Variants in GRM3 observed in about 807,000 individuals in gnomAD.
GRM3 encodes the protein metabotropic glutamate receptor 3.
Under a neutral mutation model 70.5 loss-of-function variants are expected in GRM3, and 26 were observed. The ratio of observed to expected loss-of-function variants is 0.37; its 90% CI spans 0.27 to 0.51. GRM3 has a LOEUF of 0.51. Ranked by LOEUF, GRM3 falls within the 20% of genes least tolerant of loss-of-function variation. GRM3 has a pLI of 0.93. For synonymous variants in GRM3, 443 were observed against 434.9 expected, an observed-to-expected ratio of 1.02 and a Z score of -0.23; for missense variants, 859 against 1,123.8, an observed-to-expected ratio of 0.76 and a Z score of 3.37.
chr7:86,743,636 G>C (rs989762852), intron 1 of GRM3, among the ~76,000 whole-genome samples: 1 of 152,090 alleles, frequency 6.6e-6, no homozygotes, highest in African/African-American at 2.4e-5. Flanking sequence ...TTAGATTCTA[G>C]AGTGTCCTGT....
intron 2 of GRM3, among the ~76,000 whole-genome samples, chr7:86,766,301 T>C (rs1796599447): frequency 6.6e-6 from 1 of 152,046 alleles, no homozygotes; most frequent in Non-Finnish European, 1.5e-5. Context: ...CATTTTTTTG[T>C]TCAGAGATAA....
At chr7:86,667,455 A>G (rs1794055855) in intron 1 of GRM3, among the ~76,000 whole-genome samples, 1 of 152,138 alleles carries the variant, frequency 6.6e-6, no homozygotes, top group Non-Finnish European at 1.5e-5. Flanking sequence ...AAGTAGAGGT[A>G]GGCTATTACA....
At chr7:86,787,804 T>C (rs550896284) in intron 3 of GRM3, among the ~76,000 whole-genome samples, 11 of 152,344 alleles carry the variant, frequency 7.2e-5, no homozygotes, top group Non-Finnish European at 1.5e-4. Flanking sequence ...GTAGTGAACA[T>C]CATACAAAGG....
intron 1 of GRM3, among the ~76,000 whole-genome samples, chr7:86,681,456 A>C (rs1031848276): frequency 6.6e-6 from 1 of 152,190 alleles, no homozygotes; most frequent in African/African-American, 2.4e-5. Context: ...AATAGAAAGA[A>C]TAAGACATTA....
intron 1 of GRM3, among the ~76,000 whole-genome samples, chr7:86,658,414 G>C (rs1793803334): frequency 1.3e-5 from 2 of 152,068 alleles, no homozygotes; most frequent in Admixed American, 6.6e-5. Flanking sequence ...CTTCCCACAG[G>C]CTGTGAAACT....
intron 3 of GRM3, among the ~76,000 whole-genome samples, chr7:86,835,960 G>T (rs1029294487): frequency 6.6e-6 from 1 of 151,940 alleles, no homozygotes; most frequent in Non-Finnish European, 1.5e-5. Context: ...GAAAACAAGC[G>T]AAAAATGTGT....
intron 1 of GRM3, among the ~76,000 whole-genome samples, chr7:86,660,375 A>G (rs919647803): frequency 6.6e-6 from 1 of 152,042 alleles, no homozygotes; most frequent in Admixed American, 6.6e-5. Context: ...TGTAAACTCA[A>G]TATCTAGAGA....
chr7:86,786,311 C>A lies in GRM3; in HGVS notation c.519C>A (p.Ser173=). 6.2e-7 allele frequency: 1 copy of A among 1,614,106 alleles called. No homozygotes were observed. The highest frequency in any genetic ancestry group is 8.5e-7 in the Non-Finnish European group (1 of 1,179,960). The stretch of plus-strand genomic sequence containing the variant: ...AGATCCCTCAGATCAGCTACGCATC[C>A]ACCAGCGCCAAACTCAGTGATAAGT... The part of the protein sequence containing the change: ...LFQIPQISYA[S]TSAKLSDKSR... Residue 173 remains serine (S), a synonymous_variant, in exon 3 of 6, where the codon TCC becomes TCA. Coordinates refer to ENST00000361669, the MANE Select transcript of GRM3 (RefSeq NM_000840.3). The surrounding 1 kb of genome is among the most constrained non-coding windows in gnomAD (Gnocchi z 6.0).
chr7:86,827,022 G>A (rs188623906), intron 3 of GRM3, among the ~76,000 whole-genome samples: 1 of 152,290 alleles, frequency 6.6e-6, no homozygotes, highest in Admixed American at 6.5e-5. Context: ...CTTAATGAGA[G>A]TACAAAGTTG....
At chr7:86,810,021 T>G (rs896742350) in intron 3 of GRM3, among the ~76,000 whole-genome samples, 1 of 152,062 alleles carries the variant, frequency 6.6e-6, no homozygotes, top group African/African-American at 2.4e-5. Flanking sequence ...GGATAAATTA[T>G]TTTAAAATCG....
Position 86,786,081 on chromosome 7 carries a change from T to G in GRM3, c.469-180T>G. ...CCTGTGTGAGACCTGCTTCCTAGTGTCCAAAATACAGTATCCAAGGAAGCA... is the reference window on the plus strand; with the variant it reads ...CCTGTGTGAGACCTGCTTCCTAGTGGCCAAAATACAGTATCCAAGGAAGCA... On this transcript the variant is annotated intron_variant, in intron 2 of 5. Coordinates refer to ENST00000361669, the MANE Select transcript of GRM3 (RefSeq NM_000840.3). The surrounding 1 kb of genome is among the most constrained non-coding windows in gnomAD (Gnocchi z 6.0). 1 of 650,714 alleles carries G rather than the reference T, an allele frequency of 1.5e-6. No individual in the cohort carries two copies. Among genetic ancestry groups the G allele is most frequent in the Non-Finnish European group, 2.7e-6 (1 of 365,002 alleles). 40.3% of individuals were successfully genotyped at this position (650,714 alleles called of 1,614,324 possible).
chr7:86,839,001 C>G lies in GRM3; in HGVS notation c.1487C>G (p.Ser496Cys), dbSNP rs1222474231. The G allele has an allele frequency of 1.2e-6, 2 of 1,614,128 alleles. No homozygotes were observed. The highest frequency in any genetic ancestry group is 2.2e-5 in the South Asian group (2 of 91,076). ...WAETLSLDVN[S>C]IHWSRNSVPT... ...GAAACCTTATCGCTAGATGTCAACTCTATCCACTGGTCCCGGAACTCAGTC... is the reference window on the plus strand; with the variant it reads ...GAAACCTTATCGCTAGATGTCAACTGTATCCACTGGTCCCGGAACTCAGTC... Residue 496 changes from serine to cysteine, a missense_variant, in exon 4 of 6, where the codon TCT becomes TGT. Transcript: ENST00000361669. The surrounding 1 kb of genome is among the most constrained non-coding windows in gnomAD (Gnocchi z 4.5).
At chr7:86,841,286 T>C (rs1369911930) in intron 4 of GRM3, among the ~76,000 whole-genome samples, 1 of 152,164 alleles carries the variant, frequency 6.6e-6, no homozygotes, top group Non-Finnish European at 1.5e-5. Flanking sequence ...ATGGGCTACA[T>C]TAAGGGATGA....
chr7:86,696,864 A>T (rs1054266002), intron 1 of GRM3, among the ~76,000 whole-genome samples: 3 of 152,208 alleles, frequency 2.0e-5, no homozygotes, highest in African/African-American at 7.2e-5. Flanking sequence ...ACTAAGACCA[A>T]GATTCCAACC....
Position 86,864,295 on chromosome 7 carries a change from G to A in GRM3, c.2580G>A (p.Thr860=), listed in dbSNP as rs141314343. 3.3e-5 allele frequency: 53 copies of A among 1,588,928 alleles called. No individual in the cohort carries two copies. The East Asian group carries it at 7.4e-4, about 22-fold the overall frequency. Residue 860 remains threonine (T), a synonymous_variant, in exon 6 of 6, where the codon ACG becomes ACA. Coordinates refer to ENST00000361669, the MANE Select transcript of GRM3 (RefSeq NM_000840.3). ...GTTYSQSSAS[T]YVPTVCNGRE... ...TTTGTTTTCCAGCCTCTGCAAGCAC[G>A]TATGTGCCAACGGTGTGCAATGGGC...
chr7:86,762,613 A>G (rs7458062), intron 1 of GRM3, among the ~76,000 whole-genome samples: 5 of 152,160 alleles, frequency 3.3e-5, no homozygotes, highest in African/African-American at 9.6e-5. Flanking sequence ...GAAAACAAAT[A>G]TAAATCAAAA....
chr7:86,709,924 T>G (rs1795153712), intron 1 of GRM3, among the ~76,000 whole-genome samples: 1 of 152,128 alleles, frequency 6.6e-6, no homozygotes, highest in African/African-American at 2.4e-5. Context: ...ACATTTGTCC[T>G]TGTAGGGACA....
At chr7:86,668,276 T>A (rs1794081821) in intron 1 of GRM3, among the ~76,000 whole-genome samples, 1 of 152,140 alleles carries the variant, frequency 6.6e-6, no homozygotes. Context: ...AAAATTTTTT[T>A]TTTTTGTTAT....
chr7:86,855,718 C>G (rs1324638168), intron 5 of GRM3, among the ~76,000 whole-genome samples: 1 of 152,166 alleles, frequency 6.6e-6, no homozygotes, highest in African/African-American at 2.4e-5. Context: ...CATACAGCTA[C>G]AACCATAGAA....
Sources: gnomAD v4.1 joint callset for allele counts (sites outside exome capture counted in the v4.1 genomes callset) on GRCh38, gnomAD v4.1.1 for gene constraint, Gnocchi (gnomAD v3.1) non-coding constraint, MANE v1.5 for transcripts, NCBI Gene and HGNC (gene_info 2026-07-23, HGNC 2026-07-21) for gene names.